The following DRGX variants were observed in gnomAD, a reference collection of about 807,000 sequenced individuals.
The protein encoded by DRGX is dorsal root ganglia homeobox, also known as dorsal root ganglia homeobox protein.
DRGX carries 21 observed loss-of-function variants against 28.6 expected under a neutral mutation model. The observed-to-expected ratio is 0.73, with a 90% CI of 0.52 to 1.06. DRGX has a LOEUF of 1.06. DRGX is among the 50% of genes least tolerant of loss of function. The pLI is 0.00. For missense variants in DRGX, 354 were observed against 343.9 expected (o/e 1.03, Z -0.23); for synonymous variants, 136 against 139.1 (o/e 0.98, Z 0.16).
intron 6 of DRGX, among the ~76,000 whole-genome samples, chr10:49,376,048 G>A (rs1254918028): frequency 6.6e-6 from 1 of 152,166 alleles, no homozygotes. Flanking sequence ...GAAGGTGCCT[G>A]TCAAAGGAGC....
intron 6 of DRGX, among the ~76,000 whole-genome samples, chr10:49,380,390 C>G (rs796570673): frequency 4.6e-5 from 7 of 152,336 alleles, no homozygotes; most frequent in African/African-American, 1.7e-4. Flanking sequence ...CCAAGCGCCT[C>G]CCTGGCCATT....
intron 6 of DRGX, among the ~76,000 whole-genome samples, chr10:49,378,006 C>T (rs1849734179): frequency 6.6e-6 from 1 of 152,056 alleles, no homozygotes. Flanking sequence ...AAAAGAATAG[C>T]ATGTCACATC....
intron 6 of DRGX, among the ~76,000 whole-genome samples, chr10:49,386,007 G>A (rs1218426958): frequency 2.6e-5 from 4 of 152,138 alleles, no homozygotes; most frequent in African/African-American, 7.2e-5. Context: ...AACAGCCACC[G>A]AGAAGAGAGC....
chr10:49,391,348 G>T, intron 2 of DRGX, 87 bp from the exon 3 acceptor site: 1 of 992,146 alleles, frequency 1.0e-6, no homozygotes, highest in Non-Finnish European at 1.6e-6. Context: ...GCACCCACCT[G>T]ACCCACCAGA....
rs534779003 is a variant in DRGX, at chr10:49,376,530, T to G, written c.526+9948A>C. ...CTTGCAGGAAGCAGAAACCTCTGCC[T>G]CAGCGATCCAAACCCAAGCCCTAAT... On this transcript the variant is annotated intron_variant, in intron 6 of 6. Transcript: ENST00000374139. 3.3e-5 allele frequency among the ~76,000 whole-genome samples: 5 copies of G among 152,320 alleles called. No homozygotes were observed. In the South Asian group the frequency reaches 1.0e-3, roughly 32 times the overall value.
chr10:49,391,182 C>T lies in DRGX; in HGVS notation c.114G>A (p.Thr38=), dbSNP rs374888788. ...FLRRKQRRNR[T]TFTLQQLEAL... ...TTGGTACCTGCTGAAGAGTGAACGT[C>T]GTCCGGTTCCGGCGCTGTTTTCTAC... Residue 38 remains threonine (T), a synonymous_variant, in exon 3 of 7, where the codon ACG becomes ACA. Coordinates refer to ENST00000374139, the MANE Select transcript of DRGX (RefSeq NM_001276451.2). 17 of 1,613,252 alleles carry T rather than the reference C, an allele frequency of 1.1e-5. No individual in the cohort carries two copies. The highest frequency in any genetic ancestry group is 1.4e-5 in the Non-Finnish European group (16 of 1,179,686).
intron 6 of DRGX, 63 bp downstream of exon 6, chr10:49,386,415 G>T: frequency 7.1e-7 from 1 of 1,413,612 alleles, no homozygotes; most frequent in Non-Finnish European, 9.4e-7. Context: ...ACCCAGGCCG[G>T]TCACACAAAC....
At chr10:49,374,259 C>A (rs778311121) in intron 6 of DRGX, among the ~76,000 whole-genome samples, 4 of 152,148 alleles carry the variant, frequency 2.6e-5, no homozygotes, top group Non-Finnish European at 5.9e-5. Context: ...TCTTCATCAC[C>A]CAGTGAAGAC....
At chr10:49,381,788 G>T (rs554163194) in intron 6 of DRGX, among the ~76,000 whole-genome samples, 3 of 152,202 alleles carry the variant, frequency 2.0e-5, no homozygotes, top group African/African-American at 4.8e-5. Flanking sequence ...CAGCACCCAG[G>T]GGGTATCTAG....
At chr10:49,384,553 A>C (rs374061983) in intron 6 of DRGX, among the ~76,000 whole-genome samples, 3 of 152,200 alleles carry the variant, frequency 2.0e-5, no homozygotes, top group East Asian at 3.8e-4. Flanking sequence ...GCGGGGTGGC[A>C]GGTCACAGCC....
intron 6 of DRGX, among the ~76,000 whole-genome samples, chr10:49,375,641 TG>T (rs141550510): frequency 0.02 from 3,079 of 152,272 alleles, 127 homozygotes; most frequent in African/African-American, 0.069. Flanking sequence ...CACTCATTGA[TG>T]GGGGCCAACT....
intron 6 of DRGX, among the ~76,000 whole-genome samples, chr10:49,381,372 C>T (rs1002444049): frequency 1.3e-5 from 2 of 152,248 alleles, no homozygotes; most frequent in Non-Finnish European, 2.9e-5. Flanking sequence ...AAACGGCTGC[C>T]ATCTCCCACA....
Position 49,391,154 on chromosome 10 carries a change from A to G in DRGX, c.132+10T>C, listed in dbSNP as rs374533850. The G allele has an allele frequency of 1.8e-5, 29 of 1,613,418 alleles. No individual in the cohort carries two copies. The highest frequency in any genetic ancestry group is 2.2e-5 in the East Asian group (1 of 44,878). On this transcript the variant is annotated intron_variant, in intron 3 of 6. Transcript: ENST00000374139. ...TAGCTGATGTTTGAAAGGAGAATCA[A>G]CGTTGGTACCTGCTGAAGAGTGAAC...
chr10:49,385,196 T>G (rs975343438), intron 6 of DRGX, among the ~76,000 whole-genome samples: 1 of 152,156 alleles, frequency 6.6e-6, no homozygotes, highest in African/African-American at 2.4e-5. Context: ...ACCTGGACCC[T>G]GGAGCTGAAG....
intron 6 of DRGX, among the ~76,000 whole-genome samples, chr10:49,366,732 T>G (rs1355674076): frequency 6.6e-6 from 1 of 152,180 alleles, no homozygotes; most frequent in Non-Finnish European, 1.5e-5. Flanking sequence ...TCCCATTAAG[T>G]CATTCCACAC....
At chr10:49,374,932 C>T (rs1171986243) in intron 6 of DRGX, among the ~76,000 whole-genome samples, 1 of 152,194 alleles carries the variant, frequency 6.6e-6, no homozygotes, top group Non-Finnish European at 1.5e-5. Flanking sequence ...ACGCAAACAG[C>T]ATAGTTCACT....
intron 6 of DRGX, among the ~76,000 whole-genome samples, chr10:49,371,744 A>G (rs986403505): frequency 7.0e-6 from 1 of 143,300 alleles, no homozygotes; most frequent in African/African-American, 2.7e-5. Context: ...GTGAACTGAG[A>G]TCATGCCACT....
intron 1 of DRGX, 75 bp from the exon 2 acceptor site, chr10:49,395,596 CG>C: frequency 3.5e-6 from 3 of 850,934 alleles, no homozygotes; most frequent in East Asian, 2.7e-5. Context: ...GCGCACCCGG[CG>C]CTCCCCTCCT....
At chr10:49,383,634 G>C (rs1397941815) in intron 6 of DRGX, among the ~76,000 whole-genome samples, 1 of 152,216 alleles carries the variant, frequency 6.6e-6, no homozygotes, top group Admixed American at 6.5e-5. Context: ...TTGAAATCTT[G>C]TGATGGCGTT....
Sources: gnomAD v4.1 joint callset for allele counts (sites outside exome capture counted in the v4.1 genomes callset) on GRCh38, gnomAD v4.1.1 for gene constraint, MANE v1.5 for transcripts, NCBI Gene and HGNC (gene_info 2026-07-23, HGNC 2026-07-21) for gene names.